ADGRA3: variants seen among roughly 807,000 people sequenced by gnomAD.
ADGRA3 encodes G-protein coupled receptor 125.
Under a neutral mutation model 119.8 loss-of-function variants are expected in ADGRA3, and 56 were observed. The observed-to-expected ratio is 0.47, with a 90% CI of 0.38 to 0.58. ADGRA3 has a LOEUF of 0.58. Among genes scored for constraint, ADGRA3 ranks in the 20% least tolerant of loss-of-function variants. The pLI, the probability that ADGRA3 is intolerant of heterozygous loss-of-function variation, is 0.00. For missense variants in ADGRA3, 1,516 were observed against 1,649.0 expected (o/e 0.92, Z 1.40); for synonymous variants, 607 against 623.8 (o/e 0.97, Z 0.40).
At chr4:22,454,522 G>A (rs2109091561) in intron 4 of ADGRA3, among the ~76,000 whole-genome samples, 1 of 152,102 alleles carries the variant, frequency 6.6e-6, no homozygotes, top group South Asian at 2.1e-4. Context: ...AATCTTCTGG[G>A]CCATCAGCTC....
chr4:22,454,616 T>G (rs1490962191), intron 4 of ADGRA3, among the ~76,000 whole-genome samples: 3 of 152,152 alleles, frequency 2.0e-5, no homozygotes, highest in East Asian at 3.9e-4. Flanking sequence ...CTCTGTTGCA[T>G]GTACTACACT....
At chr4:22,445,684 A>T (rs114038721) in intron 5 of ADGRA3, among the ~76,000 whole-genome samples, 245 of 152,240 alleles carry the variant, frequency 1.6e-3, no homozygotes, top group African/African-American at 5.6e-3. Context: ...ACTGTTTCTG[A>T]CCCCTCCTGC....
intron 2 of ADGRA3, among the ~76,000 whole-genome samples, chr4:22,469,824 G>A (rs1717793485): frequency 6.6e-6 from 1 of 152,146 alleles, no homozygotes; most frequent in African/African-American, 2.4e-5. Flanking sequence ...CATCCAGCAT[G>A]AGCAAGGTTC....
At chr4:22,391,986 T>G (rs953367567) in intron 17 of ADGRA3, among the ~76,000 whole-genome samples, 1 of 152,174 alleles carries the variant, frequency 6.6e-6, no homozygotes, top group Non-Finnish European at 1.5e-5. Flanking sequence ...CTGCAGACTA[T>G]AAACTCCCAA....
chr4:22,389,929 T>C (rs1402181104), intron 17 of ADGRA3, among the ~76,000 whole-genome samples: 2 of 152,140 alleles, frequency 1.3e-5, no homozygotes, highest in Non-Finnish European at 2.9e-5. Flanking sequence ...TCCTGAGACA[T>C]GGCCCCAAAT....
At chr4:22,465,334 A>C (rs187047701) in intron 2 of ADGRA3, among the ~76,000 whole-genome samples, 1 of 152,286 alleles carries the variant, frequency 6.6e-6, no homozygotes, top group East Asian at 1.9e-4. Context: ...CAGATTTTTC[A>C]AATACTCTGG....
At chr4:22,433,921 A>T (rs1385259128) in intron 10 of ADGRA3, among the ~76,000 whole-genome samples, 1 of 152,108 alleles carries the variant, frequency 6.6e-6, no homozygotes, top group Admixed American at 6.6e-5. Context: ...TATTAGAAAA[A>T]ATCATGGCCC....
At position 22,458,054 on chromosome 4, in the gene ADGRA3, A is replaced by C. The variant is rs1717302586; in HGVS notation, c.402-3117T>G. Among the ~76,000 whole-genome samples, 7 of 152,350 alleles carry C rather than the reference A, an allele frequency of 4.6e-5. 1 individual carries two copies. In the South Asian group the frequency reaches 1.4e-3, roughly 32 times the overall value. On this transcript the variant is annotated intron_variant, in intron 3 of 18. Transcript: ENST00000334304. Reference sequence around the variant, plus strand: ...TTCACATTCCTCCCATTGAGGGAAAAAAATAGATTGCAGGGAAAAATATTC... The same window carrying C: ...TTCACATTCCTCCCATTGAGGGAAACAAATAGATTGCAGGGAAAAATATTC...
At chr4:22,490,073 T>G (rs1718569941) in intron 1 of ADGRA3, among the ~76,000 whole-genome samples, 2 of 152,190 alleles carry the variant, frequency 1.3e-5, no homozygotes, top group Non-Finnish European at 2.9e-5. Flanking sequence ...GAGGCCTGAT[T>G]TTTTTTCTAT....
At chr4:22,504,834 GA>G (rs752297609) in intron 1 of ADGRA3, among the ~76,000 whole-genome samples, 5 of 151,968 alleles carry the variant, frequency 3.3e-5, no homozygotes, top group Non-Finnish European at 7.4e-5. Context: ...AGTGTTACCA[GA>G]ACCACCCAAC....
intron 1 of ADGRA3, among the ~76,000 whole-genome samples, chr4:22,492,003 C>T (rs745647202): frequency 1.3e-5 from 2 of 152,136 alleles, no homozygotes; most frequent in Non-Finnish European, 2.9e-5. Context: ...AAAGCAGGCA[C>T]GGTTGGGATT....
Position 22,424,313 on chromosome 4 carries a change from A to G in ADGRA3, c.1483T>C (p.Leu495=). 6.2e-7 allele frequency: 1 copy of G among 1,613,902 alleles called. No homozygotes were observed. The highest frequency in any genetic ancestry group is 8.5e-7 in the Non-Finnish European group (1 of 1,179,842). ...VMVDIASNIM[L]ADERVLWLAQ... Reference sequence around the variant, plus strand: ...AGCCACAGGACACGTTCATCAGCCAACATGATGTTACTTGCAATGTCAACC... The same window carrying G: ...AGCCACAGGACACGTTCATCAGCCAGCATGATGTTACTTGCAATGTCAACC... Residue 495 remains leucine (L), a synonymous_variant, in exon 11 of 19, where the codon TTG becomes CTG. Transcript: ENST00000334304.
chr4:22,475,736 A>AAG (rs1718019320), intron 1 of ADGRA3, among the ~76,000 whole-genome samples: 1 of 150,882 alleles, frequency 6.6e-6, no homozygotes, highest in African/African-American at 2.4e-5. Flanking sequence ...CGGAAAAAAA[A>AAG]ATAAATAAAT....
intron 1 of ADGRA3, among the ~76,000 whole-genome samples, chr4:22,511,895 C>CTTTTTTTTTT (rs5856700): frequency 2.3e-4 from 24 of 102,612 alleles, no homozygotes; most frequent in African/African-American, 2.8e-4. Flanking sequence ...TTCTTTCTTT[C>CTTTTTTTTTT]TTTTTTTTTT....
chr4:22,410,685 A>G (rs1025236911), intron 14 of ADGRA3, among the ~76,000 whole-genome samples: 1 of 152,110 alleles, frequency 6.6e-6, no homozygotes, highest in Non-Finnish European at 1.5e-5. Context: ...TAATTTTTTA[A>G]AAACAATTTT....
At chr4:22,485,872 C>G (rs1398985143) in intron 1 of ADGRA3, among the ~76,000 whole-genome samples, 1 of 152,174 alleles carries the variant, frequency 6.6e-6, no homozygotes, top group African/African-American at 2.4e-5. Flanking sequence ...GACCACTATC[C>G]CCTCAGAGCC....
chr4:22,486,436 A>G (rs1347176163), intron 1 of ADGRA3, among the ~76,000 whole-genome samples: 1 of 152,098 alleles, frequency 6.6e-6, no homozygotes, highest in Non-Finnish European at 1.5e-5. Flanking sequence ...AAGCTTGACC[A>G]TTATTACTTT....
chr4:22,504,727 T>G (rs1180623327), intron 1 of ADGRA3, among the ~76,000 whole-genome samples: 2 of 120,684 alleles, frequency 1.7e-5, no homozygotes, highest in African/African-American at 5.5e-5. Context: ...GCTCCTGTAC[T>G]CTTTCTTCTA....
chr4:22,506,688 C>T (rs954273753), intron 1 of ADGRA3, among the ~76,000 whole-genome samples: 1 of 152,024 alleles, frequency 6.6e-6, no homozygotes, highest in Non-Finnish European at 1.5e-5. Context: ...CCACTCTACC[C>T]GCTACACATA....
Sources: allele counts gnomAD v4.1 joint callset (sites outside exome capture counted in the v4.1 genomes callset), GRCh38; gene constraint gnomAD v4.1.1; transcripts MANE v1.5; gene names NCBI Gene and HGNC (gene_info 2026-07-23, HGNC 2026-07-21).